Variants in SYNDIG1 observed in about 807,000 individuals in gnomAD.
SYNDIG1 encodes the protein synapse differentiation inducing 1.
Under a neutral mutation model 19.4 loss-of-function variants are expected in SYNDIG1, and 9 were observed. That is an observed-to-expected ratio of 0.46 (90% CI 0.28 to 0.81). SYNDIG1 has a LOEUF of 0.81. Among genes scored for constraint, SYNDIG1 ranks in the 30% least tolerant of loss-of-function variants. The pLI, the probability that SYNDIG1 is intolerant of heterozygous loss-of-function variation, is 0.12. For synonymous variants in SYNDIG1, 141 were observed against 145.9 expected (o/e 0.97, Z 0.24); for missense variants, 311 against 343.3 (o/e 0.91, Z 0.74).
intron 1 of SYNDIG1, among the ~76,000 whole-genome samples, chr20:24,504,223 G>T (rs1198795472): frequency 6.6e-6 from 1 of 152,190 alleles, no homozygotes. Context: ...CTCCCAAAGT[G>T]CTGGGATTAC....
chr20:24,517,003 G>A (rs1378734072), intron 1 of SYNDIG1, among the ~76,000 whole-genome samples: 1 of 152,174 alleles, frequency 6.6e-6, no homozygotes, highest in African/African-American at 2.4e-5. Context: ...CCTTTGTAGG[G>A]ACATGGATGA....
At chr20:24,551,859 C>A (rs866009855) in intron 2 of SYNDIG1, among the ~76,000 whole-genome samples, 2 of 152,032 alleles carry the variant, frequency 1.3e-5, no homozygotes, top group Admixed American at 6.6e-5. Context: ...TGTATAATTT[C>A]TCTTTTAAAT....
chr20:24,616,985 C>T (rs1021615622), intron 3 of SYNDIG1, among the ~76,000 whole-genome samples: 1 of 152,160 alleles, frequency 6.6e-6, no homozygotes, highest in Non-Finnish European at 1.5e-5. Flanking sequence ...AAGGAGGTGG[C>T]TTCGGTGGCT....
intron 2 of SYNDIG1, among the ~76,000 whole-genome samples, chr20:24,557,606 G>T (rs1186091672): frequency 1.3e-5 from 2 of 152,308 alleles, no homozygotes; most frequent in Admixed American, 6.5e-5. Context: ...AGCAGCGGTG[G>T]CTGCAGAACA....
At chr20:24,481,216 C>T (rs556402727) in intron 1 of SYNDIG1, among the ~76,000 whole-genome samples, 1 of 152,258 alleles carries the variant, frequency 6.6e-6, no homozygotes, top group South Asian at 2.1e-4. Context: ...TCTACTGTTG[C>T]ATAACAGACT....
At chr20:24,503,589 G>A (rs1408562651) in intron 1 of SYNDIG1, among the ~76,000 whole-genome samples, 1 of 150,906 alleles carries the variant, frequency 6.6e-6, no homozygotes, top group East Asian at 2.0e-4. Context: ...CAATGGGAAT[G>A]CCTCCCCAGC....
intron 3 of SYNDIG1, among the ~76,000 whole-genome samples, chr20:24,616,799 G>A (rs1463820046): frequency 2.6e-5 from 4 of 152,184 alleles, no homozygotes; most frequent in Admixed American, 1.3e-4. Context: ...TGTGATGCCC[G>A]GCTGCTCCTC....
At chr20:24,572,394 G>T (rs2058158672) in intron 2 of SYNDIG1, among the ~76,000 whole-genome samples, 1 of 152,224 alleles carries the variant, frequency 6.6e-6, no homozygotes, top group East Asian at 1.9e-4. Flanking sequence ...TGAACTCAGG[G>T]TTCTCCTGTG....
intron 1 of SYNDIG1, among the ~76,000 whole-genome samples, chr20:24,500,498 CTTTCTTTCT>C (rs761559714): frequency 2.8e-5 from 4 of 141,460 alleles, no homozygotes; most frequent in Non-Finnish European, 6.0e-5. Flanking sequence ...TTCTTTCTTT[CTTTCTTTCT>C]TTCTTTCTTT....
At chr20:24,536,115 G>T (rs1336575086) in intron 1 of SYNDIG1, among the ~76,000 whole-genome samples, 1 of 152,186 alleles carries the variant, frequency 6.6e-6, no homozygotes, top group Non-Finnish European at 1.5e-5. Flanking sequence ...TGATGGGAGA[G>T]CCTGCAGTGC....
chr20:24,529,950 GTGTCAGTGTT>G (rs2057212452), intron 1 of SYNDIG1, among the ~76,000 whole-genome samples: 1 of 5,530 alleles, frequency 1.8e-4, no homozygotes, highest in African/African-American at 7.8e-4. Context: ...GATGGTGATG[GTGTCAGTGTT>G]GGGAATAATG....
intron 2 of SYNDIG1, among the ~76,000 whole-genome samples, chr20:24,544,491 A>T (rs1001849334): frequency 6.6e-6 from 1 of 152,176 alleles, no homozygotes; most frequent in African/African-American, 2.4e-5. Flanking sequence ...TCACTAAGGT[A>T]GGCGAGAACA....
intron 1 of SYNDIG1, among the ~76,000 whole-genome samples, chr20:24,540,852 T>A (rs1450130341): frequency 6.6e-6 from 1 of 152,180 alleles, no homozygotes; most frequent in Non-Finnish European, 1.5e-5. Flanking sequence ...TATGGGTCTG[T>A]AATGTTCCTA....
At chr20:24,528,236 C>T (rs2057168290) in intron 1 of SYNDIG1, among the ~76,000 whole-genome samples, 1 of 152,130 alleles carries the variant, frequency 6.6e-6, no homozygotes, top group South Asian at 2.1e-4. Context: ...TCTAAAAGTC[C>T]TAAATCTTTC....
chr20:24,473,227 G>A (rs2055520986), intron 1 of SYNDIG1, among the ~76,000 whole-genome samples: 1 of 152,180 alleles, frequency 6.6e-6, no homozygotes, highest in East Asian at 1.9e-4. Flanking sequence ...ACAGCCTCTT[G>A]TATCAGTGGA....
At chr20:24,527,524 C>CATTCT (rs2046246815) in intron 1 of SYNDIG1, among the ~76,000 whole-genome samples, 1 of 146,398 alleles carries the variant, frequency 6.8e-6, no homozygotes, top group East Asian at 2.0e-4. Flanking sequence ...TTTTTTTTTC[C>CATTCT]TTTCTTTTCT....
intron 1 of SYNDIG1, among the ~76,000 whole-genome samples, chr20:24,509,823 CAA>C (rs1296518389): frequency 3.3e-5 from 5 of 152,166 alleles, no homozygotes; most frequent in African/African-American, 1.2e-4. Flanking sequence ...GTCCCCAGTC[CAA>C]ATCTCATGCT....
At chr20:24,514,452 A>C (rs896886566) in intron 1 of SYNDIG1, among the ~76,000 whole-genome samples, 17 of 152,286 alleles carry the variant, frequency 1.1e-4, no homozygotes, top group African/African-American at 4.1e-4. Context: ...AATGGAAAAC[A>C]AAAAAAGGCA....
At chr20:24,574,199 G>A (rs569281630) in intron 2 of SYNDIG1, among the ~76,000 whole-genome samples, 2 of 152,056 alleles carry the variant, frequency 1.3e-5, no homozygotes, top group Non-Finnish European at 1.5e-5. Flanking sequence ...TTTGTTAGGC[G>A]GGGCACGGTG....
Sources: gnomAD v4.1 joint callset for allele counts (sites outside exome capture counted in the v4.1 genomes callset) on GRCh38, gnomAD v4.1.1 for gene constraint, MANE v1.5 for transcripts, NCBI Gene and HGNC (gene_info 2026-07-23, HGNC 2026-07-21) for gene names.